Variants in MMP26 observed in about 807,000 individuals in gnomAD.
MMP26 encodes matrix metallopeptidase 26.
Under a neutral mutation model 31.0 loss-of-function variants are expected in MMP26, and 33 were observed. The ratio of observed to expected loss-of-function variants is 1.06; its 90% CI spans 0.81 to 1.42. The LOEUF is 1.42. MMP26 is among the 40% of genes most tolerant of loss of function. The pLI is 0.00. For missense variants in MMP26, 347 were observed against 316.1 expected (o/e 1.10, Z -0.74); for synonymous variants, 122 against 114.9 (o/e 1.06, Z -0.40).
chr11:4,988,263 G>C lies in MMP26; in HGVS notation c.52G>C (p.Val18Leu), dbSNP rs778362234. The C allele has an allele frequency of 6.2e-7, 1 of 1,614,074 alleles. No individual in the cohort carries two copies. The highest frequency in any genetic ancestry group is 8.5e-7 in the Non-Finnish European group (1 of 1,180,014). Reference sequence around the variant, plus strand: ...TATCTTCTTGCCCTGGTGTTTCGCCGTTCCAGTGCCCCCTGCTGCAGACCA... The same window carrying C: ...TATCTTCTTGCCCTGGTGTTTCGCCCTTCCAGTGCCCCCTGCTGCAGACCA... ...VTIFLPWCFAVPVPPAADHKG... is the reference protein window; with the variant it reads ...VTIFLPWCFALPVPPAADHKG... Residue 18 changes from valine to leucine, a missense_variant, in exon 3 of 8, where the codon GTT becomes CTT. Physicochemically the swap from Val to Leu is conservative, Grantham distance 32 (BLOSUM62 1). Coordinates refer to ENST00000380390, the MANE Select transcript of MMP26 (RefSeq NM_021801.5).
chr11:4,869,530 A>G (rs1850282997), intron 2 of MMP26, among the ~76,000 whole-genome samples: 4 of 152,164 alleles, frequency 2.6e-5, no homozygotes, highest in Non-Finnish European at 5.9e-5. Flanking sequence ...GCCATCTCAC[A>G]CCAGTTAGAA....
At chr11:4,847,890 T>A (rs551088855) in intron 2 of MMP26, 16 of 192,260 alleles carry the variant, frequency 8.3e-5, no homozygotes, top group African/African-American at 3.0e-4. Flanking sequence ...GCTATGTAGA[T>A]GATTAACTCT....
Position 4,722,906 on chromosome 11 carries a change from T to C in MMP26, c.-217+17861T>C, listed in dbSNP as rs1848034843. 3.8e-6 allele frequency: 3 copies of C among 787,220 alleles called. No individual in the cohort carries two copies. The South Asian group carries it at 4.0e-5, about 11-fold the overall frequency. The allele number at this position is 787,220 out of a possible 1,614,324, so 48.8% of individuals were successfully genotyped here. On this transcript the variant is annotated intron_variant, in intron 1 of 7. Coordinates refer to ENST00000380390, the MANE Select transcript of MMP26 (RefSeq NM_021801.5). ...GAGGCCAGGGCTTGTGAGGCCCCCA[T>C]AGGCCGAGCTTAGACCACCTGCATA... is the stretch of plus-strand genomic sequence containing the variant.
intron 1 of MMP26, among the ~76,000 whole-genome samples, chr11:4,733,784 C>G (rs1848204203): frequency 6.6e-6 from 1 of 152,132 alleles, no homozygotes; most frequent in Non-Finnish European, 1.5e-5. Context: ...TTCAGACTTT[C>G]TCCATTAAGG....
chr11:4,897,416 G>T (rs1850723956), intron 2 of MMP26, among the ~76,000 whole-genome samples: 1 of 152,106 alleles, frequency 6.6e-6, no homozygotes, highest in Non-Finnish European at 1.5e-5. Context: ...GGGATTACAG[G>T]CATAAGCCAT....
At chr11:4,822,187 C>T in intron 2 of MMP26, 1 of 1,604,430 alleles carries the variant, frequency 6.2e-7, no homozygotes, top group Non-Finnish European at 8.5e-7. Flanking sequence ...CTTCTACCTC[C>T]CTCTCATCAG....
intron 2 of MMP26, among the ~76,000 whole-genome samples, chr11:4,796,458 A>G (rs1467463284): frequency 6.6e-6 from 1 of 152,208 alleles, no homozygotes; most frequent in African/African-American, 2.4e-5. Context: ...CATTGTAAGG[A>G]CTAAGTCCAG....
chr11:4,988,658 A>G (rs935526182), intron 3 of MMP26, among the ~76,000 whole-genome samples: 1 of 152,020 alleles, frequency 6.6e-6, no homozygotes, highest in Non-Finnish European at 1.5e-5. Context: ...GATCAAGGGA[A>G]ATCATTCAAA....
chr11:4,883,032 G>T, intron 2 of MMP26: 2 of 626,686 alleles, frequency 3.2e-6, no homozygotes, highest in Non-Finnish European at 5.5e-6. Context: ...GCTTATCAAA[G>T]AGTTTTATTT....
intron 1 of MMP26, among the ~76,000 whole-genome samples, chr11:4,749,308 A>G (rs968840648): frequency 1.3e-5 from 2 of 152,096 alleles, no homozygotes; most frequent in African/African-American, 4.8e-5. Context: ...ATGGAAAAAT[A>G]TCCCATAATC....
At chr11:4,802,118 T>C (rs1174465851) in intron 2 of MMP26, among the ~76,000 whole-genome samples, 1 of 152,234 alleles carries the variant, frequency 6.6e-6, no homozygotes, top group Non-Finnish European at 1.5e-5. Context: ...TCTATTTTCA[T>C]TGGTTCAGAA....
chr11:4,914,825 A>G (rs1455625044), intron 2 of MMP26: 1 of 1,613,828 alleles, frequency 6.2e-7, no homozygotes, highest in African/African-American at 1.3e-5. Context: ...GAAACCCATG[A>G]CCACCTGGAC....
At chr11:4,787,612 C>T (rs1848966466) in intron 2 of MMP26, 1 of 152,250 alleles carries the variant, frequency 6.6e-6, no homozygotes, top group Non-Finnish European at 1.5e-5. Flanking sequence ...TCCTTGGCCC[C>T]TCTCGGCTGA....
chr11:4,745,440 A>G (rs1848367150), intron 1 of MMP26, among the ~76,000 whole-genome samples: 1 of 152,316 alleles, frequency 6.6e-6, no homozygotes, highest in South Asian at 2.1e-4. Context: ...CTGCATTTTA[A>G]TAGACTTTGT....
intron 2 of MMP26, among the ~76,000 whole-genome samples, chr11:4,865,109 T>C (rs1015730427): frequency 1.3e-5 from 2 of 152,230 alleles, no homozygotes; most frequent in East Asian, 3.9e-4. Flanking sequence ...TACAATCAAA[T>C]AGGCCTAGTG....
intron 2 of MMP26, among the ~76,000 whole-genome samples, chr11:4,941,946 G>A (rs186832161): frequency 1.3e-5 from 2 of 151,322 alleles, no homozygotes; most frequent in Admixed American, 6.6e-5. Flanking sequence ...TTAGCCAGGC[G>A]TGGTGGCGCA....
chr11:4,830,738 T>A (rs1268154904), intron 2 of MMP26, among the ~76,000 whole-genome samples: 4 of 152,204 alleles, frequency 2.6e-5, no homozygotes, highest in Non-Finnish European at 5.9e-5. Flanking sequence ...AAAGGAAAGT[T>A]ACCCAAAGTG....
chr11:4,929,055 G>A (rs138798261), intron 2 of MMP26, among the ~76,000 whole-genome samples: 202 of 152,176 alleles, frequency 1.3e-3, no homozygotes, highest in African/African-American at 4.4e-3. Context: ...GCCGAAGCTC[G>A]TTAAGTGAAT....
chr11:4,895,540 C>A (rs1181565306), intron 2 of MMP26, among the ~76,000 whole-genome samples: 1 of 152,190 alleles, frequency 6.6e-6, no homozygotes, highest in Non-Finnish European at 1.5e-5. Flanking sequence ...CCAGTATTTT[C>A]TCTAACCGTG....
Sources: gnomAD v4.1 joint callset for allele counts (sites outside exome capture counted in the v4.1 genomes callset) on GRCh38, gnomAD v4.1.1 for gene constraint, MANE v1.5 for transcripts, NCBI Gene and HGNC (gene_info 2026-07-23, HGNC 2026-07-21) for gene names.